Variants in ADAM18 observed in about 807,000 individuals in gnomAD.
The protein encoded by ADAM18 is disintegrin and metalloproteinase domain-containing protein 18.
ADAM18 carries 117 observed loss-of-function variants against 94.4 expected under a neutral mutation model. The ratio of observed to expected loss-of-function variants is 1.24; its 90% confidence interval spans 1.07 to 1.45. ADAM18 has a LOEUF of 1.45. Ranked by LOEUF, ADAM18 falls within the 40% of genes most tolerant of loss-of-function variation. The pLI is 0.00. For missense variants in ADAM18, 936 were observed against 880.0 expected (o/e 1.06, Z -0.81); for synonymous variants, 327 against 291.6 (o/e 1.12, Z -1.24).
intron 12 of ADAM18, among the ~76,000 whole-genome samples, chr8:39,661,117 T>TAA (rs143344538): frequency 7.2e-5 from 10 of 138,636 alleles, no homozygotes; most frequent in African/African-American, 1.6e-4. Flanking sequence ...CATACTCAAA[T>TAA]AAAAAAAAAA....
intron 2 of ADAM18, among the ~76,000 whole-genome samples, chr8:39,589,734 T>C (rs917711673): frequency 1.3e-5 from 2 of 152,128 alleles, no homozygotes; most frequent in African/African-American, 4.8e-5. Context: ...AATTTTAAAC[T>C]TTCATTTTAA....
chr8:39,641,312 G>T (rs568926093), intron 10 of ADAM18, among the ~76,000 whole-genome samples: 1 of 152,020 alleles, frequency 6.6e-6, no homozygotes, highest in African/African-American at 2.4e-5. Context: ...TATGTGTGTG[G>T]TCTTATTTCT....
chr8:39,687,645 A>G (rs917143257), intron 16 of ADAM18, among the ~76,000 whole-genome samples: 107 of 152,196 alleles, frequency 7.0e-4, no homozygotes, highest in African/African-American at 1.8e-3. Context: ...AAGCAGTCCC[A>G]GTATCTATTG....
rs1822890133 is a variant in ADAM18 at position 39,725,813 on chromosome 8, TG to T, written c.2177+1908del. On this transcript the variant is annotated intron_variant, in intron 19 of 19. Transcript: ENST00000265707. ...ATTGTGAACAATGCTACAATGAACA[TG>T]GAAGTGCGGATATCTCTTCAAGGTC... is the stretch of plus-strand genomic sequence containing the variant. Among the ~76,000 whole-genome samples the T allele has an allele frequency of 3.9e-5, 6 of 152,204 alleles. No homozygotes were observed. The South Asian group carries it at 1.2e-3, about 31-fold the overall frequency.
At position 39,662,612 on chromosome 8, in the gene ADAM18, G is replaced by A. The variant is rs554108127; in HGVS notation, c.1231-1183G>A. On this transcript the variant is annotated intron_variant, in intron 12 of 19. Transcript: ENST00000265707. ...TATTTGTTTTTTAAGATTCTTTAAA[G>A]TTATTACCTAATTTATTTGTTTATT... is the stretch of plus-strand genomic sequence containing the variant. Among the ~76,000 whole-genome samples, 4 of 152,174 alleles carry A rather than the reference G, an allele frequency of 2.6e-5. No homozygotes were observed. The South Asian group carries it at 8.3e-4, about 32-fold the overall frequency.
intron 19 of ADAM18, among the ~76,000 whole-genome samples, chr8:39,728,046 C>T (rs1317257965): frequency 6.6e-6 from 1 of 152,014 alleles, no homozygotes; most frequent in African/African-American, 2.4e-5. Flanking sequence ...AGGTATGTCA[C>T]AAGAGAAAAG....
intron 16 of ADAM18, among the ~76,000 whole-genome samples, chr8:39,688,712 G>A (rs1387274405): frequency 6.6e-6 from 1 of 152,102 alleles, no homozygotes; most frequent in Non-Finnish European, 1.5e-5. Flanking sequence ...CCTTATACTA[G>A]ACTGATCTAT....
intron 12 of ADAM18, among the ~76,000 whole-genome samples, chr8:39,649,982 T>C (rs1321683327): frequency 6.6e-6 from 1 of 152,210 alleles, no homozygotes; most frequent in Non-Finnish European, 1.5e-5. Context: ...TTTTGTGCTA[T>C]AATAGCAGAG....
chr8:39,688,469 G>A (rs1226054201), intron 16 of ADAM18, among the ~76,000 whole-genome samples: 1 of 152,160 alleles, frequency 6.6e-6, no homozygotes, highest in Non-Finnish European at 1.5e-5. Context: ...CCACTTGTAA[G>A]TGAGAACATG....
chr8:39,642,798 T>C (rs752288335), intron 10 of ADAM18, among the ~76,000 whole-genome samples: 20 of 152,276 alleles, frequency 1.3e-4, no homozygotes, highest in Non-Finnish European at 2.4e-4. Context: ...AATTTTAAGA[T>C]ACTTTTCTCT....
chr8:39,724,981 C>T (rs1302315164), intron 19 of ADAM18, among the ~76,000 whole-genome samples: 1 of 151,548 alleles, frequency 6.6e-6, no homozygotes, highest in Non-Finnish European at 1.5e-5. Flanking sequence ...TTTTTATAGG[C>T]CTAGTATATA....
intron 17 of ADAM18, among the ~76,000 whole-genome samples, chr8:39,694,210 A>G (rs545036272): frequency 6.3e-4 from 96 of 151,464 alleles, no homozygotes; most frequent in African/African-American, 2.2e-3. Context: ...TTCACATTTT[A>G]GAGTAATATT....
intron 17 of ADAM18, among the ~76,000 whole-genome samples, chr8:39,694,492 A>C (rs773039452): frequency 6.6e-6 from 1 of 151,442 alleles, no homozygotes; most frequent in Non-Finnish European, 1.5e-5. Context: ...TTTCTATCTT[A>C]TGGATTTGAT....
chr8:39,629,331 T>A (rs1382174053), intron 6 of ADAM18, 43 bp from the exon 7 acceptor site: 1 of 1,423,472 alleles, frequency 7.0e-7, no homozygotes, highest in African/African-American at 1.5e-5. Flanking sequence ...TTAAATTCAA[T>A]ACATGTTAAC....
At chr8:39,630,562 T>C (rs1396048130) in intron 7 of ADAM18, among the ~76,000 whole-genome samples, 2 of 151,900 alleles carry the variant, frequency 1.3e-5, no homozygotes, top group Admixed American at 6.6e-5. Context: ...ATACATTCTA[T>C]AGCATCTAGG....
In ADAM18 at chr8:39,718,513, C is replaced by T. The variant is rs550354223; in HGVS notation, c.2018-5235C>T. ...GTGAAGTACCTAATATAGTCATATTCATATAATTAAAGAATAGAATGGTGG... is the reference window on the plus strand; with the variant it reads ...GTGAAGTACCTAATATAGTCATATTTATATAATTAAAGAATAGAATGGTGG... On this transcript the variant is annotated intron_variant, in intron 18 of 19. Transcript: ENST00000265707. Among the ~76,000 whole-genome samples, 6 of 151,528 alleles carry T rather than the reference C, an allele frequency of 4.0e-5. No individual in the cohort carries two copies. In the South Asian group the frequency reaches 1.2e-3, roughly 31 times the overall value.
At chr8:39,703,875 G>T (rs938087975) in intron 17 of ADAM18, among the ~76,000 whole-genome samples, 1 of 152,066 alleles carries the variant, frequency 6.6e-6, no homozygotes, top group African/African-American at 2.4e-5. Context: ...AAATGATAAA[G>T]GGGATATTAC....
In ADAM18 at chr8:39,722,629, C is replaced by T. The variant is rs375749635; in HGVS notation, c.2018-1119C>T. On this transcript the variant is annotated intron_variant, in intron 18 of 19. Coordinates refer to ENST00000265707, the MANE Select transcript of ADAM18 (RefSeq NM_014237.3). ...TAAAAGCCTAGACTTCACCACTGCA[C>T]AATATATCCATGCAGCAAAACTGCA... Among the ~76,000 whole-genome samples, 9 of 151,602 alleles carry T rather than the reference C, an allele frequency of 5.9e-5. No homozygotes were observed. In the South Asian group the frequency reaches 1.9e-3, roughly 31 times the overall value.
intron 7 of ADAM18, among the ~76,000 whole-genome samples, chr8:39,633,537 T>C (rs1158154430): frequency 1.3e-5 from 2 of 151,986 alleles, no homozygotes; most frequent in Non-Finnish European, 2.9e-5. Flanking sequence ...CAGATGGAAG[T>C]GAGGTCCAAG....
Sources: allele counts gnomAD v4.1 joint callset (sites outside exome capture counted in the v4.1 genomes callset), GRCh38; gene constraint gnomAD v4.1.1; transcripts MANE v1.5; gene names NCBI Gene and HGNC (gene_info 2026-07-23, HGNC 2026-07-21).